TRPV6: variants seen among roughly 807,000 people sequenced by gnomAD.
The protein encoded by TRPV6 is transient receptor potential cation channel subfamily V member 6.
A neutral mutation model predicts 79.0 loss-of-function variants in TRPV6; 39 were observed. That is an observed-to-expected ratio of 0.49 (90% CI 0.38 to 0.64). The LOEUF (loss-of-function observed/expected upper bound fraction) is 0.64. TRPV6 is among the 30% of genes least tolerant of loss of function. The probability of loss-of-function intolerance (pLI) is 0.00; values close to 1 mark genes in which losing one functional copy is unlikely to be tolerated. For synonymous variants in TRPV6, 373 were observed against 391.9 expected (o/e 0.95, Z 0.57); for missense variants, 813 against 1,011.1 (o/e 0.80, Z 2.66).
At chr7:142,879,393 C>T (rs4987640) in intron 1 of TRPV6, 14 of 152,320 alleles carry the variant, frequency 9.2e-5, no homozygotes, top group African/African-American at 3.1e-4. Flanking sequence ...TTAGAACTTA[C>T]CCCAACTAAG....
chr7:142,871,682 C>T lies in TRPV6; in HGVS notation c.*25G>A. 1 of 1,552,866 alleles carries T rather than the reference C, an allele frequency of 6.4e-7. No homozygotes were observed. Among genetic ancestry groups the T allele is most frequent in the South Asian group, 1.2e-5 (1 of 81,342 alleles). On this transcript the variant is annotated 3_prime_UTR_variant, in exon 15 of 15. Transcript: ENST00000359396. ...CACCCAGGAAAATGAGAGCAAGTTC[C>T]AGGAAGCGAAGTGAGAACACGCAGT...
At position 142,872,431 on chromosome 7, in the gene TRPV6, C is replaced by T; in HGVS notation, c.1956G>A (p.Leu652=). 1 of 1,614,234 alleles carries T rather than the reference C, an allele frequency of 6.2e-7. No individual in the cohort carries two copies. Among genetic ancestry groups the T allele is most frequent in the East Asian group, 2.2e-5 (1 of 44,888 alleles). Residue 652 remains leucine (L), a synonymous_variant, in exon 14 of 15, where the codon CTG becomes CTA. Coordinates refer to ENST00000359396, the MANE Select transcript of TRPV6 (RefSeq NM_018646.6). Reference sequence around the variant, plus strand: ...GTCCGCAGATCCCGGAGCGAGGCCACAGGCAGCGAGGCAGCTTCCGCTCCA... The same window carrying T: ...GTCCGCAGATCCCGGAGCGAGGCCATAGGCAGCGAGGCAGCTTCCGCTCCA...
At position 142,885,684 on chromosome 7, in the gene TRPV6, G is replaced by A; in HGVS notation, c.-48C>T. On this transcript the variant is annotated 5_prime_UTR_variant, in exon 1 of 15. Coordinates refer to ENST00000359396, the MANE Select transcript of TRPV6 (RefSeq NM_018646.6). Reference sequence around the variant, plus strand: ...CGAGTTCCTTGGGAGTCTCCCAGCAGCCCCAGCCAGTTTGGAGAGGGCTGT... The same window carrying A: ...CGAGTTCCTTGGGAGTCTCCCAGCAACCCCAGCCAGTTTGGAGAGGGCTGT... 2 of 910,208 alleles carry A rather than the reference G, an allele frequency of 2.2e-6. No homozygotes were observed. The highest frequency in any genetic ancestry group is 3.1e-6 in the Non-Finnish European group (2 of 635,008). 56.4% of individuals were successfully genotyped at this position (910,208 alleles called of 1,614,324 possible).
chr7:142,877,790 G>T lies in TRPV6; in HGVS notation c.347-17C>A, dbSNP rs754484118. On this transcript the variant is annotated splice_polypyrimidine_tract_variant and intron_variant, in intron 2 of 14. Transcript: ENST00000359396. Reference sequence around the variant, plus strand: ...CCATGGCTCCTGGCATTTACAGAGAGGTGGGTTATATGGCTTCTGTGGGAC... The same window carrying T: ...CCATGGCTCCTGGCATTTACAGAGATGTGGGTTATATGGCTTCTGTGGGAC... 1.2e-6 allele frequency: 2 copies of T among 1,614,022 alleles called. No individual in the cohort carries two copies. The highest frequency in any genetic ancestry group is 1.7e-6 in the Non-Finnish European group (2 of 1,180,000).
Position 142,873,740 on chromosome 7 carries a change from G to T in TRPV6, c.1640-24C>A. The T allele has an allele frequency of 6.2e-7, 1 of 1,610,416 alleles. No homozygotes were observed. The highest frequency in any genetic ancestry group is 1.3e-5 in the African/African-American group (1 of 74,952). ...GGCTGCTCCACCCAAGGGGGTGAGG[G>T]TTACCATGGCAACCATGCAGACGAC... is the stretch of plus-strand genomic sequence containing the variant. On this transcript the variant is annotated intron_variant, in intron 12 of 14. Coordinates refer to ENST00000359396, the MANE Select transcript of TRPV6 (RefSeq NM_018646.6). This position sits in a 1 kb window ranked among gnomAD's most constrained non-coding sequence, Gnocchi z 4.8.
intron 8 of TRPV6, 118 bp from the exon 9 acceptor site, chr7:142,875,282 CT>C: frequency 1.5e-6 from 2 of 1,335,962 alleles, no homozygotes. Context: ...AGGTTTGGGT[CT>C]TCTCAAACTC....
intron 1 of TRPV6, chr7:142,881,202 A>G (rs1164576369): frequency 2.0e-5 from 3 of 152,202 alleles, no homozygotes; most frequent in East Asian, 3.8e-4. Context: ...GACCTACTCA[A>G]AGATTCCTGT....
intron 1 of TRPV6, chr7:142,882,607 C>T (rs1795216329): frequency 6.6e-6 from 1 of 152,168 alleles, no homozygotes; most frequent in South Asian, 2.1e-4. Flanking sequence ...GCTCATGTTC[C>T]TGGCAATGGG....
At chr7:142,874,441 TG>T (rs754004934) in intron 11 of TRPV6, 49 bp downstream of exon 11, 1 of 1,609,072 alleles carries the variant, frequency 6.2e-7, no homozygotes, top group Non-Finnish European at 8.5e-7. Context: ...GACCGTCTGC[TG>T]ACTGTGGCTC....
In TRPV6 at chr7:142,872,377, G is replaced by A. The variant is rs764949918; in HGVS notation, c.2010C>T (p.Phe670=). 1.2e-6 allele frequency: 2 copies of A among 1,614,176 alleles called. No homozygotes were observed. Among genetic ancestry groups the A allele is most frequent in the Non-Finnish European group, 1.7e-6 (2 of 1,180,026 alleles). The change falls in exon 14 of 15, where the codon TTC becomes TTT. Residue 670 remains phenylalanine, a synonymous_variant. Transcript: ENST00000359396. ...TACCCCCGCATATCACTCACCGCAG[G>A]AACCAGCGGTCTCCCAGGCCATACT...
intron 3 of TRPV6, 58 bp downstream of exon 3, chr7:142,877,593 G>A: frequency 3.2e-6 from 5 of 1,585,110 alleles, no homozygotes; most frequent in Non-Finnish European, 8.6e-7. Context: ...CACAGAGACT[G>A]ACTTGAAATA....
At chr7:142,877,460 C>T in intron 3 of TRPV6, 181 bp from the exon 4 acceptor site, 2 of 1,455,546 alleles carry the variant, frequency 1.4e-6, no homozygotes, top group Non-Finnish European at 1.8e-6. Context: ...TCTCTAGGCC[C>T]CTGGCATTTC....
rs1330568193 is a variant in TRPV6, at chr7:142,877,171, C to T, written c.578G>A (p.Arg193His). ...GTAGATGAGGTTGCAGGGACTACGG[C>T]GGAAGGCAGTGCCTGTGGCTCTGGC... Residue 193 changes from arginine (R) to histidine (H), a missense_variant, in exon 4 of 15, where the codon CGC (arginine) becomes CAC (histidine). Coordinates refer to ENST00000359396, the MANE Select transcript of TRPV6 (RefSeq NM_018646.6). 7.4e-6 allele frequency: 12 copies of T among 1,614,076 alleles called. No individual in the cohort carries two copies. Among genetic ancestry groups the T allele is most frequent in the Middle Eastern group, 1.6e-4 (1 of 6,084 alleles).
In TRPV6 at chr7:142,871,730, C is replaced by T; in HGVS notation, c.2275G>A (p.Glu759Lys). 4 of 1,606,412 alleles carry T rather than the reference C, an allele frequency of 2.5e-6. No homozygotes were observed. The South Asian group carries it at 3.3e-5, about 13-fold the overall frequency. ...AGTCAGATCTGATATTCCCAGCTCTCCCCGTCCTCCAGACCCCTGTTGATT... is the reference window on the plus strand; with the variant it reads ...AGTCAGATCTGATATTCCCAGCTCTTCCCGTCCTCCAGACCCCTGTTGATT... The change falls in exon 15 of 15, where the codon GAG becomes AAG. Residue 759 changes from glutamate (E) to lysine (K), a missense_variant. Glu to Lys is a moderately conservative substitution (Grantham distance 56). Transcript: ENST00000359396.
intron 1 of TRPV6, 185 bp downstream of exon 1, chr7:142,885,204 C>A: frequency 1.7e-6 from 1 of 586,216 alleles, no homozygotes; most frequent in Non-Finnish European, 2.8e-6. Flanking sequence ...TCAACCCCAT[C>A]CTCTTTCACC....
intron 1 of TRPV6, chr7:142,880,338 C>A (rs2116528288): frequency 6.6e-6 from 1 of 152,278 alleles, no homozygotes; most frequent in Non-Finnish European, 1.5e-5. Flanking sequence ...TCTCCTGTGG[C>A]CTTACTTTTA....
At chr7:142,880,741 T>C (rs1268685451) in intron 1 of TRPV6, 3 of 152,230 alleles carry the variant, frequency 2.0e-5, no homozygotes, top group Non-Finnish European at 2.9e-5. Flanking sequence ...CCAGAGTTGC[T>C]AGAGTTACCA....
In TRPV6 at chr7:142,873,517, G is replaced by C. The variant is rs768666060; in HGVS notation, c.1839C>G (p.Leu613=). ...GAGTGTCGCCCATCATGGCAATGAG[G>C]AGGTTGAGCATGAGCAGTGTGGCGA... The change falls in exon 13 of 15, where the codon CTC becomes CTG. Residue 613 remains leucine, a synonymous_variant. Transcript: ENST00000359396. This position sits in a 1 kb window ranked among gnomAD's most constrained non-coding sequence, Gnocchi z 4.8. 15 of 1,614,114 alleles carry C rather than the reference G, an allele frequency of 9.3e-6. No individual in the cohort carries two copies. Among genetic ancestry groups the C allele is most frequent in the Non-Finnish European group, 1.3e-5 (15 of 1,180,054 alleles).
chr7:142,873,523 G>T lies in TRPV6; in HGVS notation c.1833C>A (p.Leu611=). The stretch of plus-strand genomic sequence containing the variant: ...CGCCCATCATGGCAATGAGGAGGTT[G>T]AGCATGAGCAGTGTGGCGATGATGG... Residue 611 remains leucine, a synonymous_variant, in exon 13 of 15, where the codon CTC becomes CTA. Coordinates refer to ENST00000359396, the MANE Select transcript of TRPV6 (RefSeq NM_018646.6). The surrounding 1 kb of genome is among the most constrained non-coding windows in gnomAD (Gnocchi z 4.8). 1 of 1,614,226 alleles carries T rather than the reference G, an allele frequency of 6.2e-7. No individual in the cohort carries two copies. The highest frequency in any genetic ancestry group is 8.5e-7 in the Non-Finnish European group (1 of 1,180,040).
Sources: allele counts gnomAD v4.1 joint callset, GRCh38; gene constraint gnomAD v4.1.1; non-coding constraint Gnocchi (gnomAD v3.1); transcripts MANE v1.5; gene names NCBI Gene and HGNC (gene_info 2026-07-23, HGNC 2026-07-21).